DPY19L2: variants seen among roughly 807,000 people sequenced by gnomAD.
The protein encoded by DPY19L2 is probable C-mannosyltransferase DPY19L2.
DPY19L2 carries 34 observed loss-of-function variants against 97.9 expected under a neutral mutation model. The observed-to-expected ratio is 0.35, with a 90% CI of 0.26 to 0.46. The LOEUF (loss-of-function observed/expected upper bound fraction) is 0.46. DPY19L2 is among the 20% of genes least tolerant of loss of function. The pLI is 1.00. For synonymous variants in DPY19L2, 230 were observed against 307.9 expected, an observed-to-expected ratio of 0.75 and a Z score of 2.65; for missense variants, 623 against 911.4, an observed-to-expected ratio of 0.68 and a Z score of 4.07.
Position 63,621,439 on chromosome 12 carries a change from A to G in DPY19L2, c.954-102T>C, listed in dbSNP as rs937342551. 559 of 710,468 alleles carry G rather than the reference A, an allele frequency of 7.9e-4. 1 individual carries two copies. Among genetic ancestry groups the G allele is most frequent in the Non-Finnish European group, 1.0e-3 (414 of 406,802 alleles). The allele number at this position is 710,468 out of a possible 1,614,324, so 44.0% of individuals were successfully genotyped here. On this transcript the variant is annotated intron_variant, in intron 8 of 21. Transcript: ENST00000324472. ...ATGATAAAATCTACATTATTCCATT[A>G]CCTTTACTATAATACAACAAAATAT...
At position 63,649,347 on chromosome 12, in the gene DPY19L2, T is replaced by C. The variant is rs201438878; in HGVS notation, c.589-1982A>G. Among the ~76,000 whole-genome samples, 24 of 151,994 alleles carry C rather than the reference T, an allele frequency of 1.6e-4. No homozygotes were observed. In the East Asian group the frequency reaches 1.7e-3, roughly 11 times the overall value. ...CAAATCAGAGATGAACTGAATGAAA[T>C]TGAGACACAAAACACCATACAAAAG... On this transcript the variant is annotated intron_variant, in intron 4 of 21. Transcript: ENST00000324472.
chr12:63,622,595 A>T (rs1184191555), intron 8 of DPY19L2, among the ~76,000 whole-genome samples: 1 of 152,232 alleles, frequency 6.6e-6, no homozygotes, highest in East Asian at 1.9e-4. Flanking sequence ...TAAAGAGATA[A>T]ATATGGCATG....
At chr12:63,642,049 T>C (rs1388776325) in intron 6 of DPY19L2, among the ~76,000 whole-genome samples, 1 of 152,132 alleles carries the variant, frequency 6.6e-6, no homozygotes, top group African/African-American at 2.4e-5. Flanking sequence ...CATTTGGTGT[T>C]CTTCTGGGAA....
intron 4 of DPY19L2, among the ~76,000 whole-genome samples, chr12:63,657,155 C>T (rs1359836066): frequency 6.6e-6 from 1 of 152,102 alleles, no homozygotes; most frequent in Non-Finnish European, 1.5e-5. Flanking sequence ...AAATTAAGAA[C>T]ATCTTTCTTA....
intron 6 of DPY19L2, among the ~76,000 whole-genome samples, chr12:63,637,452 G>T (rs1420820215): frequency 6.6e-6 from 1 of 151,968 alleles, no homozygotes; most frequent in South Asian, 2.1e-4. Context: ...CAACAAAATT[G>T]ATAGACCGCT....
intron 6 of DPY19L2, among the ~76,000 whole-genome samples, chr12:63,641,210 CAG>C (rs1168681286): frequency 3.9e-5 from 6 of 152,034 alleles, no homozygotes; most frequent in African/African-American, 1.4e-4. Context: ...AGCCCAAAAA[CAG>C]AACTTTTTTA....
chr12:63,619,864 T>G (rs1159222631), intron 9 of DPY19L2: 1 of 413,338 alleles, frequency 2.4e-6, no homozygotes, highest in African/African-American at 2.1e-5. Context: ...TGCAATGAAA[T>G]GATGCTCATT....
rs1411546382 is a variant in DPY19L2, at chr12:63,593,808, AT to A, written c.1580+278del. ...AGTATAATAATAAAAATAAAAAAAA[AT>A]AAATCTTTAGCTTACTGACTTTAAA... is the stretch of plus-strand genomic sequence containing the variant. On this transcript the variant is annotated intron_variant, in intron 16 of 21. Transcript: ENST00000324472. Among the ~76,000 whole-genome samples the A allele has an allele frequency of 5.8e-3, 878 of 151,064 alleles. 2 individuals carry two copies. Among genetic ancestry groups the A allele is most frequent in the African/African-American group, 0.021 (842 of 40,706 alleles).
chr12:63,580,772 A>G lies in DPY19L2; in HGVS notation c.1790T>C (p.Met597Thr). 6.2e-7 allele frequency: 1 copy of G among 1,613,534 alleles called. No individual in the cohort carries two copies. The highest frequency in any genetic ancestry group is 8.5e-7 in the Non-Finnish European group (1 of 1,179,698). Reference sequence around the variant, plus strand: ...GAGGTTTGCATAACCTTGTATTGACATCACTGTTAAAATGCCAAAGATAAC... The same window carrying G: ...GAGGTTTGCATAACCTTGTATTGACGTCACTGTTAAAATGCCAAAGATAAC... ...EKVIFGILTV[M>T]SIQGYANLRN... is the part of the protein sequence containing the mutation. Residue 597 changes from methionine to threonine, a missense_variant, in exon 19 of 22, where the codon ATG becomes ACG. Coordinates refer to ENST00000324472, the MANE Select transcript of DPY19L2 (RefSeq NM_173812.5).
chr12:63,628,242 C>G (rs151113885), intron 6 of DPY19L2, among the ~76,000 whole-genome samples: 1 of 152,120 alleles, frequency 6.6e-6, no homozygotes, highest in African/African-American at 2.4e-5. Flanking sequence ...TGCAGCGCAC[C>G]GAGCATGAGC....
Position 63,608,810 on chromosome 12 carries a change from G to A in DPY19L2, c.1219-135C>T, listed in dbSNP as rs889525393. On this transcript the variant is annotated intron_variant, in intron 11 of 21. Coordinates refer to ENST00000324472, the MANE Select transcript of DPY19L2 (RefSeq NM_173812.5). ...TCACCAGCCATTTTCCTCCTTAACT[G>A]TTGATTTTTCAAATTTTGGACAAAT... The A allele has an allele frequency of 1.5e-5, 11 of 756,606 alleles. No homozygotes were observed. In the Admixed American group the frequency reaches 3.4e-4, roughly 23 times the overall value. The allele number at this position is 756,606 out of a possible 1,614,324, so 46.9% of individuals were successfully genotyped here. A position where few individuals can be genotyped will look rare whatever the true frequency, so the allele number is the denominator to read the frequency against.
intron 6 of DPY19L2, among the ~76,000 whole-genome samples, chr12:63,633,547 TA>T (rs1353211107): frequency 1.3e-5 from 2 of 152,066 alleles, no homozygotes; most frequent in Admixed American, 1.3e-4. Flanking sequence ...TGGCGATCAT[TA>T]AAAAGTCAGG....
At chr12:63,565,197 G>A (rs1435327592) in intron 21 of DPY19L2, among the ~76,000 whole-genome samples, 1 of 152,220 alleles carries the variant, frequency 6.6e-6, no homozygotes, top group East Asian at 1.9e-4. Flanking sequence ...CATTTGTGGT[G>A]TTTAGAGCTA....
At chr12:63,633,406 C>T (rs1012158555) in intron 6 of DPY19L2, among the ~76,000 whole-genome samples, 59 of 152,148 alleles carry the variant, frequency 3.9e-4, no homozygotes, top group African/African-American at 1.2e-3. Context: ...GGGTGAAGGA[C>T]ATGAACAGAC....
At chr12:63,639,314 A>G (rs1357808256) in intron 6 of DPY19L2, among the ~76,000 whole-genome samples, 1 of 152,188 alleles carries the variant, frequency 6.6e-6, no homozygotes, top group Non-Finnish European at 1.5e-5. Flanking sequence ...CTAAAACACC[A>G]AAAGAAATGG....
At chr12:63,647,535 G>GC (rs1385228809) in intron 4 of DPY19L2, among the ~76,000 whole-genome samples, 170 bp from the exon 5 acceptor site, 1 of 151,954 alleles carries the variant, frequency 6.6e-6, no homozygotes, top group African/African-American at 2.4e-5. Flanking sequence ...GCAAACTATC[G>GC]CAAGGACATA....
At chr12:63,627,401 G>A (rs1410958539) in intron 6 of DPY19L2, among the ~76,000 whole-genome samples, 35 of 152,226 alleles carry the variant, frequency 2.3e-4, no homozygotes, top group East Asian at 5.8e-4. Context: ...CCAGGCTGGA[G>A]TGCAGTGGCG....
At chr12:63,587,493 T>C (rs1881990279) in intron 16 of DPY19L2, among the ~76,000 whole-genome samples, 1 of 151,108 alleles carries the variant, frequency 6.6e-6, no homozygotes, top group Admixed American at 6.6e-5. Flanking sequence ...TCCATCTCAA[T>C]AGATAGCAAG....
Position 63,617,215 on chromosome 12 carries a change from G to A in DPY19L2, c.1218+89C>T, listed in dbSNP as rs1353081890. ...CATGTTGAGTGATAATCAGGAAAGG[G>A]CCTATTTATTCTCTTATACCTGTTT... On this transcript the variant is annotated intron_variant, in intron 11 of 21. Transcript: ENST00000324472. 15 of 695,612 alleles carry A rather than the reference G, an allele frequency of 2.2e-5. 2 individuals are homozygous for A. The South Asian group carries it at 2.6e-4, about 12-fold the overall frequency. The allele number at this position is 695,612 out of a possible 1,614,324, so 43.1% of individuals were successfully genotyped here. A position where few individuals can be genotyped will look rare whatever the true frequency, so the allele number is the denominator to read the frequency against.
Sources: gnomAD v4.1 joint callset for allele counts (sites outside exome capture counted in the v4.1 genomes callset) on GRCh38, gnomAD v4.1.1 for gene constraint, MANE v1.5 for transcripts, NCBI Gene and HGNC (gene_info 2026-07-23, HGNC 2026-07-21) for gene names.